The following TMEM178B variants were observed in gnomAD, a reference collection of about 807,000 sequenced individuals.
TMEM178B encodes transmembrane protein 178B.
Under a neutral mutation model 31.0 loss-of-function variants are expected in TMEM178B, and 5 were observed. The ratio of observed to expected loss-of-function variants is 0.16; its 90% CI spans 0.08 to 0.34. The LOEUF is 0.34. TMEM178B is among the 10% of genes least tolerant of loss of function. The pLI is 1.00. For missense variants in TMEM178B, 275 were observed against 400.3 expected, an observed-to-expected ratio of 0.69 and a Z score of 2.67; for synonymous variants, 164 against 164.0, an observed-to-expected ratio of 1.00 and a Z score of 0.00.
intron 1 of TMEM178B, among the ~76,000 whole-genome samples, chr7:141,181,004 C>T (rs1216397718): frequency 6.6e-6 from 1 of 152,116 alleles, no homozygotes; most frequent in Non-Finnish European, 1.5e-5. Context: ...ACCCATCCAC[C>T]CATCTGTCAA....
rs797000910 is a variant in TMEM178B at position 141,185,038 on chromosome 7, ATGTGCGATGGTGGTG to A, written c.383-27550_383-27536del. Among the ~76,000 whole-genome samples, 31 of 152,252 alleles carry A rather than the reference ATGTGCGATGGTGGTG, an allele frequency of 2.0e-4. 1 individual carries two copies. Among genetic ancestry groups the A allele is most frequent in the African/African-American group, 7.5e-4 (31 of 41,554 alleles). ...AAAGTTCCCTTGCACCCCTCGCAGG[ATGTGCGATGGTGGTG>A]TGGCTCACTTCTTCAGTGCCCTGCT... On this transcript the variant is annotated intron_variant, in intron 1 of 3. Transcript: ENST00000565468.
chr7:141,135,500 A>C (rs1456054200), intron 1 of TMEM178B, among the ~76,000 whole-genome samples: 4 of 152,186 alleles, frequency 2.6e-5, no homozygotes, highest in Admixed American at 6.5e-5. Flanking sequence ...AGTCTCAATA[A>C]ATTTTAAAAA....
chr7:141,465,700 A>T (rs565919412), intron 3 of TMEM178B, among the ~76,000 whole-genome samples: 362 of 152,266 alleles, frequency 2.4e-3, no homozygotes, highest in South Asian at 7.7e-3. Context: ...TTGAACTTCT[A>T]TGTGGAGAGG....
At chr7:141,132,938 C>A (rs1322182727) in intron 1 of TMEM178B, among the ~76,000 whole-genome samples, 1 of 152,210 alleles carries the variant, frequency 6.6e-6, no homozygotes, top group Non-Finnish European at 1.5e-5. Context: ...CTAACAACTG[C>A]AGCCTAAACC....
intron 2 of TMEM178B, among the ~76,000 whole-genome samples, chr7:141,418,653 T>C (rs1801144298): frequency 6.6e-6 from 1 of 152,170 alleles, no homozygotes; most frequent in South Asian, 2.1e-4. Context: ...TAAATGTCGG[T>C]ATTCAAATTC....
In TMEM178B at chr7:141,387,408, A is replaced by G. The variant is rs1451753944; in HGVS notation, c.497-50200A>G. On this transcript the variant is annotated intron_variant, in intron 2 of 3. Transcript: ENST00000565468. ...TAGTTTGGCATCCCCTAAATGCCTCATAATTTATTATAGTCAGAGGAAGAA... is the reference window on the plus strand; with the variant it reads ...TAGTTTGGCATCCCCTAAATGCCTCGTAATTTATTATAGTCAGAGGAAGAA... 2.0e-5 allele frequency among the ~76,000 whole-genome samples: 3 copies of G among 152,218 alleles called. No individual in the cohort carries two copies. The East Asian group carries it at 5.8e-4, about 29-fold the overall frequency.
chr7:141,488,398 C>T, the TMEM178B span, among the ~76,000 whole-genome samples: 4 of 152,158 alleles, frequency 2.6e-5, no homozygotes, highest in Middle Eastern at 3.4e-3. Flanking sequence ...TGGATTCATC[C>T]TATTGGATAT....
chr7:141,242,426 T>C lies in TMEM178B; in HGVS notation c.496+29722T>C, dbSNP rs564715635. On this transcript the variant is annotated intron_variant, in intron 2 of 3. Coordinates refer to ENST00000565468, the MANE Select transcript of TMEM178B (RefSeq NM_001195278.2). ...ACAATATAAACAGAGCAGAACTGCATAGTGATTTCCTCATGGTATTCGCTC... is the reference window on the plus strand; with the variant it reads ...ACAATATAAACAGAGCAGAACTGCACAGTGATTTCCTCATGGTATTCGCTC... Among the ~76,000 whole-genome samples the C allele has an allele frequency of 2.0e-5, 3 of 151,928 alleles. No individual in the cohort carries two copies. The East Asian group carries it at 5.8e-4, about 29-fold the overall frequency.
At chr7:141,239,077 G>A (rs892721744) in intron 2 of TMEM178B, among the ~76,000 whole-genome samples, 1 of 152,142 alleles carries the variant, frequency 6.6e-6, no homozygotes, top group Non-Finnish European at 1.5e-5. Flanking sequence ...TGTTGTTGTT[G>A]TTAGCTGACC....
At position 141,344,583 on chromosome 7, in the gene TMEM178B, CCTTCCTTCCTTCCTTCCTT is replaced by C. The variant is rs1563157432; in HGVS notation, c.497-93023_497-93005del. The stretch of plus-strand genomic sequence containing the variant: ...TCCATTCCTCCCTCCTCCCTTCCTT[CCTTCCTTCCTTCCTTCCTT>C]CCTTCCTTCCTTCCTTCCTTCCTTC... On this transcript the variant is annotated intron_variant, in intron 2 of 3. Transcript: ENST00000565468. The surrounding 1 kb of genome is among the most constrained non-coding windows in gnomAD (Gnocchi z 4.1). 9.5e-5 allele frequency among the ~76,000 whole-genome samples: 8 copies of C among 84,616 alleles called. No individual in the cohort carries two copies. The highest frequency in any genetic ancestry group is 1.8e-4 in the African/African-American group (3 of 16,586). 55.5% of individuals were successfully genotyped at this position (84,616 alleles called of 152,430 possible).
chr7:141,240,650 A>G (rs1797602542), intron 2 of TMEM178B, among the ~76,000 whole-genome samples: 1 of 152,266 alleles, frequency 6.6e-6, no homozygotes, highest in African/African-American at 2.4e-5. Context: ...AGAGAACAGT[A>G]TTATAAATGA....
intron 2 of TMEM178B, among the ~76,000 whole-genome samples, chr7:141,251,236 G>A (rs150145639): frequency 6.6e-6 from 1 of 151,822 alleles, no homozygotes; most frequent in African/African-American, 2.4e-5. Flanking sequence ...TATACTGGAG[G>A]TAAACAAACA....
At chr7:141,078,202 A>G (rs757514203) in intron 1 of TMEM178B, among the ~76,000 whole-genome samples, 2 of 152,178 alleles carry the variant, frequency 1.3e-5, no homozygotes, top group Admixed American at 6.5e-5. Flanking sequence ...AGAGACTTCC[A>G]GACCCTTAGG....
chr7:141,484,971 T>C (rs1439381428), downstream of TMEM178B, among the ~76,000 whole-genome samples: 2 of 152,250 alleles, frequency 1.3e-5, no homozygotes, highest in African/African-American at 2.4e-5. The surrounding 1 kb of genome is among the most constrained non-coding windows in gnomAD (Gnocchi z 4.8). Context: ...TTTAAACTAA[T>C]GTCCATAGAA....
chr7:141,411,732 A>C (rs767740393), intron 2 of TMEM178B, among the ~76,000 whole-genome samples: 3 of 152,218 alleles, frequency 2.0e-5, no homozygotes, highest in Non-Finnish European at 4.4e-5. Flanking sequence ...GCCTGAAATA[A>C]AACAATCAGC....
At chr7:141,492,438 C>T in the TMEM178B span, among the ~76,000 whole-genome samples, 6,815 of 152,242 alleles carry the variant, frequency 0.045, 532 homozygotes, top group African/African-American at 0.16. Flanking sequence ...TAAAAACTTA[C>T]GTTCCACAAG....
chr7:141,436,854 C>T (rs1236175059), intron 2 of TMEM178B, among the ~76,000 whole-genome samples: 1 of 152,096 alleles, frequency 6.6e-6, no homozygotes, highest in Admixed American at 6.5e-5. Flanking sequence ...GTTAGCCAGG[C>T]GTGGAACAGA....
chr7:141,110,020 A>G (rs1482488721), intron 1 of TMEM178B, among the ~76,000 whole-genome samples: 2 of 152,188 alleles, frequency 1.3e-5, no homozygotes, highest in Non-Finnish European at 2.9e-5. Flanking sequence ...TGACTTATTG[A>G]TTAAAAGATA....
At chr7:141,407,293 T>G (rs2116628538) in intron 2 of TMEM178B, among the ~76,000 whole-genome samples, 1 of 152,366 alleles carries the variant, frequency 6.6e-6, no homozygotes, top group Non-Finnish European at 1.5e-5. Flanking sequence ...GTTTGATGTC[T>G]GCAGCAACCA....
Sources: allele counts gnomAD v4.1 joint callset (sites outside exome capture counted in the v4.1 genomes callset), GRCh38; gene constraint gnomAD v4.1.1; non-coding constraint Gnocchi (gnomAD v3.1); transcripts MANE v1.5; gene names NCBI Gene and HGNC (gene_info 2026-07-23, HGNC 2026-07-21).